The following CNBD1 variants were observed in gnomAD, a reference collection of about 807,000 sequenced individuals.
CNBD1 encodes cyclic nucleotide-binding domain-containing protein 1.
CNBD1 carries 71 observed loss-of-function variants against 54.4 expected under a neutral mutation model. The ratio of observed to expected loss-of-function variants is 1.30; its 90% CI spans 1.08 to 1.59. The LOEUF (loss-of-function observed/expected upper bound fraction) is 1.59, where lower values mean the gene tolerates loss of function less well. CNBD1 is among the 40% of genes most tolerant of loss of function. The pLI is 0.00. For missense variants in CNBD1, 659 were observed against 518.0 expected (o/e 1.27, Z -2.64); for synonymous variants, 182 against 170.7 (o/e 1.07, Z -0.51).
intron 4 of CNBD1, among the ~76,000 whole-genome samples, chr8:87,091,819 G>A (rs573073040): frequency 4.6e-5 from 7 of 151,944 alleles, no homozygotes; most frequent in East Asian, 1.9e-4. Context: ...ATTAAAGGTG[G>A]CATTTTATGT....
chr8:87,262,295 G>C (rs1381372702), intron 6 of CNBD1, among the ~76,000 whole-genome samples: 1 of 152,164 alleles, frequency 6.6e-6, no homozygotes, highest in Non-Finnish European at 1.5e-5. Context: ...TTCCTCCTTT[G>C]ATAGAATTAC....
chr8:87,184,973 T>C (rs1813444012), intron 4 of CNBD1, among the ~76,000 whole-genome samples: 1 of 152,202 alleles, frequency 6.6e-6, no homozygotes, highest in Non-Finnish European at 1.5e-5. Flanking sequence ...TTTGAGTTTT[T>C]TATTTGACTT....
intron 5 of CNBD1, among the ~76,000 whole-genome samples, chr8:87,210,564 G>T (rs369196097): frequency 1.3e-5 from 2 of 152,266 alleles, no homozygotes; most frequent in South Asian, 4.1e-4. Context: ...TCAGGATGCT[G>T]CTCCTTACAT....
At chr8:87,251,954 A>G (rs1020283081) in intron 6 of CNBD1, among the ~76,000 whole-genome samples, 2 of 152,082 alleles carry the variant, frequency 1.3e-5, no homozygotes, top group Admixed American at 1.3e-4. Flanking sequence ...TTTGAAACCC[A>G]TCATTGTGGA....
intron 4 of CNBD1, among the ~76,000 whole-genome samples, chr8:87,035,201 G>A (rs1225402625): frequency 1.3e-5 from 2 of 152,064 alleles, no homozygotes; most frequent in Non-Finnish European, 2.9e-5. Flanking sequence ...TTTAAATGCA[G>A]GGGGTGCACA....
At chr8:87,386,697 A>C (rs891846567), downstream of CNBD1, among the ~76,000 whole-genome samples, 8 of 152,380 alleles carry the variant, frequency 5.3e-5, no homozygotes, top group Admixed American at 2.0e-4. Context: ...GATATTAACC[A>C]GGAGAACTTC....
At chr8:87,124,656 C>A (rs1471197548) in intron 4 of CNBD1, among the ~76,000 whole-genome samples, 1 of 151,492 alleles carries the variant, frequency 6.6e-6, no homozygotes, top group Non-Finnish European at 1.5e-5. Flanking sequence ...GTACCTCAAC[C>A]CAATAAAGGC....
At chr8:87,208,082 T>G (rs975880667) in intron 5 of CNBD1, among the ~76,000 whole-genome samples, 1 of 152,198 alleles carries the variant, frequency 6.6e-6, no homozygotes, top group South Asian at 2.1e-4. Flanking sequence ...TTATTTAAAC[T>G]ATTCCTTCTA....
intron 10 of CNBD1, among the ~76,000 whole-genome samples, chr8:87,375,520 A>T (rs900598363): frequency 7.9e-5 from 12 of 151,780 alleles, no homozygotes; most frequent in African/African-American, 1.2e-4. Context: ...TCTTTTCCGA[A>T]GCCATAGCAT....
chr8:87,265,839 T>A (rs1199793506), intron 6 of CNBD1, among the ~76,000 whole-genome samples: 1 of 152,118 alleles, frequency 6.6e-6, no homozygotes, highest in Admixed American at 6.6e-5. Context: ...TAATCACCTC[T>A]CTAAATGGAA....
chr8:87,232,617 T>TA (rs1403529705), intron 5 of CNBD1, among the ~76,000 whole-genome samples: 5 of 152,122 alleles, frequency 3.3e-5, no homozygotes, highest in African/African-American at 9.7e-5. Context: ...TTTACAAAAT[T>TA]AAAAAATAAA....
chr8:86,870,189 C>CTTTTTTTTTTTTTTTTTTTTTTTT, intron 1 of CNBD1, among the ~76,000 whole-genome samples: 1 of 100,624 alleles, frequency 9.9e-6, no homozygotes. Flanking sequence ...AGATAGTACT[C>CTTTTTTTTTTTTTTTTTTTTTTTT]TTTTTTTTTT....
intron 4 of CNBD1, among the ~76,000 whole-genome samples, chr8:87,025,161 CACCAATCAGCACTCCGTAAAATGG>C (rs1168450462): frequency 0.03 from 4,580 of 152,028 alleles, 237 homozygotes; most frequent in African/African-American, 0.1. Context: ...ATTGTAAACG[CACCAATCAGCACTCCGTAAAATGG>C]ACCAATCAGC....
intron 4 of CNBD1, among the ~76,000 whole-genome samples, chr8:86,986,000 G>A (rs534207833): frequency 6.6e-5 from 10 of 151,802 alleles, no homozygotes; most frequent in Non-Finnish European, 1.2e-4. Context: ...GTGCAATATC[G>A]GCTCACCGCA....
intron 1 of CNBD1, among the ~76,000 whole-genome samples, chr8:86,885,354 T>A (rs77267346): frequency 0.021 from 3,162 of 152,266 alleles, 106 homozygotes; most frequent in African/African-American, 0.073. Context: ...TTTTAATTTC[T>A]CAATGGGTTC....
intron 4 of CNBD1, among the ~76,000 whole-genome samples, chr8:87,124,303 A>T (rs1040751627): frequency 1.3e-5 from 2 of 151,702 alleles, no homozygotes; most frequent in African/African-American, 4.8e-5. Context: ...CATTCTCCAG[A>T]CATATGTTAG....
intron 4 of CNBD1, among the ~76,000 whole-genome samples, chr8:86,945,393 G>T (rs1203686579): frequency 6.6e-6 from 1 of 152,160 alleles, no homozygotes; most frequent in African/African-American, 2.4e-5. Context: ...CAGAGGAATT[G>T]CTCCCTGGAA....
chr8:87,185,631 A>C (rs1466434397), intron 4 of CNBD1, among the ~76,000 whole-genome samples: 3 of 152,196 alleles, frequency 2.0e-5, no homozygotes, highest in Non-Finnish European at 2.9e-5. Flanking sequence ...TCTGCTTTTT[A>C]GAAACAAGAA....
chr8:87,395,201 G>A (rs570227394), intron 2 of CNBD1, among the ~76,000 whole-genome samples: 179 of 151,858 alleles, frequency 1.2e-3, no homozygotes, highest in South Asian at 3.5e-3. Context: ...CCACTTTTGC[G>A]TTATGTATTT....
Sources: allele counts gnomAD v4.1 joint callset (sites outside exome capture counted in the v4.1 genomes callset), GRCh38; gene constraint gnomAD v4.1.1; transcripts MANE v1.5; gene names NCBI Gene and HGNC (gene_info 2026-07-23, HGNC 2026-07-21).